The following KCTD8 variants were observed in gnomAD, a reference collection of about 807,000 sequenced individuals.
The protein encoded by KCTD8 is potassium channel tetramerization domain containing 8, also known as BTB/POZ domain-containing protein KCTD8.
KCTD8 carries 27 observed loss-of-function variants against 31.5 expected under a neutral mutation model. The ratio of observed to expected loss-of-function variants is 0.86; its 90% CI spans 0.63 to 1.18. The LOEUF (loss-of-function observed/expected upper bound fraction) is 1.18, where lower values mean the gene tolerates loss of function less well. Among genes scored for constraint, KCTD8 ranks in the 50% most tolerant of loss-of-function variants. The pLI, the probability that KCTD8 is intolerant of heterozygous loss-of-function variation, is 0.00. For missense variants in KCTD8, 658 were observed against 647.7 expected, an observed-to-expected ratio of 1.02 and a Z score of -0.17; for synonymous variants, 290 against 280.0, an observed-to-expected ratio of 1.04 and a Z score of -0.36.
Position 44,448,220 on chromosome 4 carries a change from C to A in KCTD8, c.304G>T (p.Asp102Tyr). Residue 102 changes from aspartate (D) to tyrosine (Y), a missense_variant, in exon 1 of 2, where the codon GAC becomes TAC. Transcript: ENST00000360029. This position sits in a 1 kb window ranked among gnomAD's most constrained non-coding sequence, Gnocchi z 4.1. Reference sequence around the variant, plus strand: ...AGCACGTACCTGAAAAGGAAGCCGTCCCGGTCGATGAAGAAGCGCGCCCGG... The same window carrying A: ...AGCACGTACCTGAAAAGGAAGCCGTACCGGTCGATGAAGAAGCGCGCCCGG... ...DSRARFFIDR[D>Y]GFLFRYVLDY... 1.2e-6 allele frequency: 2 copies of A among 1,612,224 alleles called. No individual in the cohort carries two copies. Among genetic ancestry groups the A allele is most frequent in the South Asian group, 2.2e-5 (2 of 90,990 alleles).
intron 1 of KCTD8, among the ~76,000 whole-genome samples, chr4:44,315,130 T>G (rs1718069214): frequency 6.6e-6 from 1 of 151,976 alleles, no homozygotes; most frequent in South Asian, 2.1e-4. Context: ...TTAATCATTT[T>G]AATTTCTTCT....
At chr4:44,315,151 C>CTT (rs1028372525) in intron 1 of KCTD8, among the ~76,000 whole-genome samples, 2 of 151,958 alleles carry the variant, frequency 1.3e-5, no homozygotes, top group Non-Finnish European at 2.9e-5. Context: ...TGGGTTTTCA[C>CTT]TTTTTAAAAC....
intron 1 of KCTD8, among the ~76,000 whole-genome samples, chr4:44,404,857 T>C (rs1720746767): frequency 6.6e-6 from 1 of 152,200 alleles, no homozygotes; most frequent in South Asian, 2.1e-4. Context: ...CTTGAAATAC[T>C]GACAAGAATT....
intron 1 of KCTD8, among the ~76,000 whole-genome samples, chr4:44,418,465 T>C (rs905843220): frequency 6.6e-6 from 1 of 152,214 alleles, no homozygotes; most frequent in African/African-American, 2.4e-5. Context: ...CAGAGGTTTT[T>C]ATAGTCTTTT....
chr4:44,194,803 C>T (rs1318885059), intron 1 of KCTD8, among the ~76,000 whole-genome samples: 1 of 96,826 alleles, frequency 1.0e-5, no homozygotes, highest in Non-Finnish European at 2.1e-5. Context: ...CTCCCTCCCT[C>T]CCTCCCTCCC....
At chr4:44,309,826 C>A (rs1236875275) in intron 1 of KCTD8, among the ~76,000 whole-genome samples, 1 of 151,816 alleles carries the variant, frequency 6.6e-6, no homozygotes, top group East Asian at 1.9e-4. Flanking sequence ...CTAAGAGAAT[C>A]CATTAAATTC....
At chr4:44,180,639 C>T (rs1437737153) in intron 1 of KCTD8, among the ~76,000 whole-genome samples, 1 of 151,564 alleles carries the variant, frequency 6.6e-6, no homozygotes, top group Non-Finnish European at 1.5e-5. Flanking sequence ...ATTTATTATG[C>T]TGAAATTTTT....
intron 1 of KCTD8, among the ~76,000 whole-genome samples, chr4:44,244,617 T>G (rs1715599082): frequency 6.6e-6 from 1 of 152,130 alleles, no homozygotes. Flanking sequence ...TCCCAATGAT[T>G]TGCTATGTAG....
rs1385477534 is a variant in KCTD8 at position 44,176,425 on chromosome 4, G to A, written c.962-1175C>T. Among the ~76,000 whole-genome samples, 3 of 152,270 alleles carry A rather than the reference G, an allele frequency of 2.0e-5. No homozygotes were observed. The East Asian group carries it at 5.8e-4, about 29-fold the overall frequency. ...GCCACCTGGCCATCAGGTCATTTAA[G>A]ATTTCAATGTGCATCCAAGGTTATG... is the stretch of plus-strand genomic sequence containing the variant. On this transcript the variant is annotated intron_variant, in intron 1 of 1. Transcript: ENST00000360029.
chr4:44,372,564 A>G (rs1409958383), intron 1 of KCTD8, among the ~76,000 whole-genome samples: 3 of 152,068 alleles, frequency 2.0e-5, no homozygotes, highest in African/African-American at 7.2e-5. Context: ...GAAAAAGAGG[A>G]TGTCTTCTGA....
At chr4:44,386,794 C>T (rs377134901) in intron 1 of KCTD8, among the ~76,000 whole-genome samples, 1 of 151,688 alleles carries the variant, frequency 6.6e-6, no homozygotes, top group South Asian at 2.1e-4. Context: ...GATATCGGCA[C>T]TCCTATGTTT....
intron 1 of KCTD8, among the ~76,000 whole-genome samples, chr4:44,262,358 C>G (rs1453263793): frequency 6.6e-6 from 1 of 152,004 alleles, no homozygotes; most frequent in Non-Finnish European, 1.5e-5. Context: ...CTACCCTACT[C>G]TCTCCATGGT....
intron 1 of KCTD8, among the ~76,000 whole-genome samples, chr4:44,231,816 C>T (rs1715128192): frequency 6.6e-6 from 1 of 152,042 alleles, no homozygotes; most frequent in African/African-American, 2.4e-5. Flanking sequence ...CTTTCTCTTT[C>T]TCCTTTTTTC....
At chr4:44,340,878 T>C (rs558388449) in intron 1 of KCTD8, among the ~76,000 whole-genome samples, 12 of 152,034 alleles carry the variant, frequency 7.9e-5, no homozygotes, top group Non-Finnish European at 1.2e-4. Context: ...GGTGAAATTA[T>C]CTGATGTGAT....
chr4:44,219,893 A>T (rs563610662), intron 1 of KCTD8, among the ~76,000 whole-genome samples: 78 of 152,354 alleles, frequency 5.1e-4, no homozygotes, highest in African/African-American at 1.8e-3. Flanking sequence ...TAAACATTTT[A>T]TCAAAGACAA....
chr4:44,251,330 T>G (rs905429641), intron 1 of KCTD8, among the ~76,000 whole-genome samples: 3 of 151,656 alleles, frequency 2.0e-5, no homozygotes, highest in African/African-American at 7.3e-5. Context: ...CATGTAACTT[T>G]CAGGATCTAT....
intron 1 of KCTD8, among the ~76,000 whole-genome samples, chr4:44,325,017 A>T (rs1560426630): frequency 6.6e-6 from 1 of 152,022 alleles, no homozygotes; most frequent in Admixed American, 6.5e-5. Flanking sequence ...AGATTATATA[A>T]GCATGAGAAC....
chr4:44,367,269 C>T (rs531054834), intron 1 of KCTD8, among the ~76,000 whole-genome samples: 7 of 152,250 alleles, frequency 4.6e-5, no homozygotes, highest in African/African-American at 1.7e-4. Flanking sequence ...CGCAAGAGTA[C>T]AAAGAGAATA....
intron 1 of KCTD8, among the ~76,000 whole-genome samples, chr4:44,389,739 T>G (rs1013516250): frequency 5.9e-5 from 9 of 151,934 alleles, no homozygotes; most frequent in African/African-American, 2.2e-4. Flanking sequence ...GTAAATTTTA[T>G]GTGTATTTTA....
Sources: gnomAD v4.1 joint callset for allele counts (sites outside exome capture counted in the v4.1 genomes callset) on GRCh38, gnomAD v4.1.1 for gene constraint, Gnocchi (gnomAD v3.1) non-coding constraint, MANE v1.5 for transcripts, NCBI Gene and HGNC (gene_info 2026-07-23, HGNC 2026-07-21) for gene names.